The following AFF4 variants were observed in gnomAD, a reference collection of about 807,000 sequenced individuals.
AFF4 encodes ALF transcription elongation factor 4.
Under a neutral mutation model 124.8 loss-of-function variants are expected in AFF4, and 13 were observed. That is an observed-to-expected ratio of 0.10 (90% CI 0.07 to 0.17). The LOEUF is 0.17. AFF4 is among the 10% of genes least tolerant of loss of function. AFF4 has a pLI of 1.00. For missense variants in AFF4, 1,092 were observed against 1,403.8 expected (o/e 0.78, Z 3.55); for synonymous variants, 477 against 496.1 (o/e 0.96, Z 0.51).
intron 2 of AFF4, among the ~76,000 whole-genome samples, chr5:132,936,508 T>C (rs1761435363): frequency 6.6e-6 from 1 of 152,170 alleles, no homozygotes; most frequent in Non-Finnish European, 1.5e-5. Context: ...TCTGAAACTT[T>C]GTAAACTAAG....
intron 1 of AFF4, among the ~76,000 whole-genome samples, chr5:132,954,544 CTCTT>C (rs1295189664): frequency 4.3e-4 from 55 of 126,678 alleles, no homozygotes; most frequent in Admixed American, 3.4e-3. Flanking sequence ...ACAAACAATG[CTCTT>C]TTTTTTTTTT....
chr5:132,921,099 C>G (rs1175964205), intron 5 of AFF4, among the ~76,000 whole-genome samples: 3 of 150,026 alleles, frequency 2.0e-5, no homozygotes, highest in African/African-American at 7.4e-5. Context: ...TGCACTCTAG[C>G]CTGAGCGACA....
In AFF4 at chr5:132,963,622, G is replaced by A. The variant is rs1056957498; in HGVS notation, c.-368C>T. On this transcript the variant is annotated 5_prime_UTR_variant, in exon 1 of 21. Coordinates refer to ENST00000265343, the MANE Select transcript of AFF4 (RefSeq NM_014423.4). ...ACGGCAGCTGGACTCCTGCAGCCAG[G>A]GCTGTGACTGACGCAGCGGCCGTGC... 8 of 396,952 alleles carry A rather than the reference G, an allele frequency of 2.0e-5. No homozygotes were observed. Among genetic ancestry groups the A allele is most frequent in the East Asian group, 3.6e-5 (1 of 28,014 alleles). 24.6% of individuals were successfully genotyped at this position (396,952 alleles called of 1,614,324 possible).
intron 4 of AFF4, among the ~76,000 whole-genome samples, chr5:132,931,831 C>G (rs1446808613): frequency 6.6e-6 from 1 of 152,156 alleles, no homozygotes; most frequent in East Asian, 1.9e-4. Context: ...GTAATCCCAC[C>G]TACTCAGGAG....
At position 132,899,141 on chromosome 5, in the gene AFF4, C is replaced by T; in HGVS notation, c.1189G>A (p.Asp397Asn). Residue 397 changes from aspartate to asparagine, a missense_variant and splice_region_variant, in exon 9 of 21, where the codon GAT (aspartate) becomes AAT (asparagine). Asp to Asn is a conservative substitution (Grantham distance 23, BLOSUM62 1). Around this residue, in one of 11 missense-constraint regions of AFF4, gnomAD observed 148 missense variants for 196.3 expected, o/e 0.75. Coordinates refer to ENST00000265343, the MANE Select transcript of AFF4 (RefSeq NM_014423.4). Reference protein sequence around the residue: ...SSSEDSDGEQDCDKTMPRSTP... With the variant: ...SSSEDSDGEQNCDKTMPRSTP... ...CTCCTCGGCATTGTCTTATCACAAT[C>T]CTAAAATTAAAACATAAGAAAGAAT... 1.2e-6 allele frequency: 2 copies of T among 1,612,308 alleles called. No homozygotes were observed. Among genetic ancestry groups the T allele is most frequent in the East Asian group, 2.2e-5 (1 of 44,800 alleles).
intron 1 of AFF4, among the ~76,000 whole-genome samples, chr5:132,954,879 G>C (rs942192968): frequency 3.3e-5 from 5 of 152,174 alleles, no homozygotes; most frequent in Non-Finnish European, 7.3e-5. Context: ...TGCTGTCCAC[G>C]GATGGCTAAG....
chr5:132,921,111 A>G (rs1332868717), intron 5 of AFF4, among the ~76,000 whole-genome samples: 1 of 147,688 alleles, frequency 6.8e-6, no homozygotes, highest in Non-Finnish European at 1.5e-5. Flanking sequence ...TGAGCGACAG[A>G]GCGAGACTCT....
intron 1 of AFF4, among the ~76,000 whole-genome samples, chr5:132,954,188 G>A (rs528465125): frequency 9.8e-5 from 15 of 152,322 alleles, no homozygotes; most frequent in Non-Finnish European, 1.9e-4. Context: ...ATGGACAGGG[G>A]TTGCGGGGAG....
At chr5:132,929,501 G>A (rs1198641704) in intron 4 of AFF4, among the ~76,000 whole-genome samples, 1 of 152,088 alleles carries the variant, frequency 6.6e-6, no homozygotes, top group Non-Finnish European at 1.5e-5. Flanking sequence ...AGAAATGAAT[G>A]AGATTCAAAT....
intron 5 of AFF4, among the ~76,000 whole-genome samples, chr5:132,917,519 G>A (rs910309104): frequency 6.6e-6 from 1 of 151,928 alleles, no homozygotes; most frequent in Admixed American, 6.6e-5. Flanking sequence ...TCTACCTAGT[G>A]CAATAAAGCA....
At chr5:132,933,568 A>G (rs1219293747) in intron 3 of AFF4, among the ~76,000 whole-genome samples, 1 of 152,208 alleles carries the variant, frequency 6.6e-6, no homozygotes, top group South Asian at 2.1e-4. Flanking sequence ...AATTTCAGCT[A>G]TTTCACAATG....
At position 132,888,070 on chromosome 5, in the gene AFF4, G is replaced by C. The variant is rs375661472; in HGVS notation, c.2796+27C>G. On this transcript the variant is annotated intron_variant, in intron 15 of 20. Transcript: ENST00000265343. ...TACTTAAGTTAATTTGATTAAATAC[G>C]TAAGTGTAAGGAGAATATCTACATA... is the stretch of plus-strand genomic sequence containing the variant. The C allele has an allele frequency of 1.3e-5, 21 of 1,606,598 alleles. No homozygotes were observed. In the South Asian group the frequency reaches 1.7e-4, roughly 13 times the overall value.
chr5:132,908,333 A>G (rs926797358), intron 5 of AFF4, among the ~76,000 whole-genome samples: 2 of 152,152 alleles, frequency 1.3e-5, no homozygotes, highest in Non-Finnish European at 2.9e-5. Context: ...AATGCTTCAA[A>G]GGTATGACGC....
At chr5:132,946,954 G>A (rs1339210728) in intron 1 of AFF4, among the ~76,000 whole-genome samples, 2 of 152,132 alleles carry the variant, frequency 1.3e-5, no homozygotes, top group Non-Finnish European at 2.9e-5. Flanking sequence ...CTACTTGGGA[G>A]GTGGAGGCAC....
intron 1 of AFF4, among the ~76,000 whole-genome samples, chr5:132,953,483 C>T (rs1761888207): frequency 6.6e-6 from 1 of 152,020 alleles, no homozygotes; most frequent in Admixed American, 6.6e-5. Flanking sequence ...CTCCTGGCCT[C>T]AAGTAATCCT....
intron 5 of AFF4, among the ~76,000 whole-genome samples, chr5:132,925,177 A>AT (rs1761140682): frequency 6.7e-6 from 1 of 149,672 alleles, no homozygotes; most frequent in African/African-American, 2.6e-5. Context: ...TCCATCTCAG[A>AT]AAAATAAATA....
chr5:132,925,858 T>TA (rs1368494652), intron 5 of AFF4, among the ~76,000 whole-genome samples: 1 of 152,244 alleles, frequency 6.6e-6, no homozygotes, highest in Non-Finnish European at 1.5e-5. Flanking sequence ...ATGTATTAAA[T>TA]ATATACTCTC....
intron 1 of AFF4, among the ~76,000 whole-genome samples, chr5:132,948,925 T>C (rs958096078): frequency 1.3e-5 from 2 of 152,144 alleles, no homozygotes; most frequent in Admixed American, 6.6e-5. Context: ...TGATGAATTA[T>C]GTGTGTACTT....
chr5:132,962,325 T>C (rs1762097825), intron 1 of AFF4, among the ~76,000 whole-genome samples: 1 of 152,158 alleles, frequency 6.6e-6, no homozygotes, highest in African/African-American at 2.4e-5. Flanking sequence ...AGAAAAACAC[T>C]GGTCAATGGA....
Sources: gnomAD v4.1 joint callset for allele counts (sites outside exome capture counted in the v4.1 genomes callset) on GRCh38, gnomAD v4.1.1 for gene constraint, gnomAD v4.1.1 regional missense constraint, MANE v1.5 for transcripts, NCBI Gene and HGNC (gene_info 2026-07-23, HGNC 2026-07-21) for gene names.